FIBCD1: variants seen among roughly 807,000 people sequenced by gnomAD.
FIBCD1 encodes the protein fibrinogen C domain containing 1.
FIBCD1 carries 47 observed loss-of-function variants against 45.1 expected under a neutral mutation model. The ratio of observed to expected loss-of-function variants is 1.04; its 90% confidence interval spans 0.82 to 1.33. FIBCD1 has a LOEUF of 1.33. Ranked by LOEUF, FIBCD1 falls within the 40% of genes most tolerant of loss-of-function variation. The probability of loss-of-function intolerance (pLI) is 0.00; values close to 1 mark genes in which losing one functional copy is unlikely to be tolerated. For synonymous variants in FIBCD1, 313 were observed against 308.1 expected, an observed-to-expected ratio of 1.02 and a Z score of -0.17; for missense variants, 653 against 682.2, an observed-to-expected ratio of 0.96 and a Z score of 0.48.
chr9:130,927,065 T>C (rs1588111761), intron 2 of FIBCD1, among the ~76,000 whole-genome samples: 1 of 151,832 alleles, frequency 6.6e-6, no homozygotes, highest in East Asian at 1.9e-4. Flanking sequence ...TAGCAAGACC[T>C]CTCTACAAAA....
At position 130,922,721 on chromosome 9, in the gene FIBCD1, C is replaced by T. The variant is rs902511994; in HGVS notation, c.849+1023G>A. Among the ~76,000 whole-genome samples, 3 of 152,158 alleles carry T rather than the reference C, an allele frequency of 2.0e-5. No homozygotes were observed. Among genetic ancestry groups the T allele is most frequent in the Admixed American group, 6.5e-5 (1 of 15,274 alleles). ...CCCGTCTTCCTCTCTTCAACACCCC[C>T]AGTAGCTCCCGACTGTGTGTCCCAA... On this transcript the variant is annotated intron_variant, in intron 4 of 6. Coordinates refer to ENST00000372338, the MANE Select transcript of FIBCD1 (RefSeq NM_032843.5). This position sits in a 1 kb window ranked among gnomAD's most constrained non-coding sequence, Gnocchi z 4.5.
chr9:130,907,566 C>T (rs138006623), intron 5 of FIBCD1, among the ~76,000 whole-genome samples: 83 of 152,316 alleles, frequency 5.4e-4, no homozygotes, highest in African/African-American at 1.7e-3. Flanking sequence ...AGTGGACTTC[C>T]AGCTGGACTA....
intron 4 of FIBCD1, among the ~76,000 whole-genome samples, chr9:130,921,175 C>T (rs1016411379): frequency 2.0e-5 from 3 of 152,212 alleles, no homozygotes; most frequent in African/African-American, 7.2e-5. Context: ...TGAGACTGTC[C>T]AGCCCCAGGG....
At chr9:130,933,008 A>C (rs1383644767) in intron 1 of FIBCD1, among the ~76,000 whole-genome samples, 1 of 151,166 alleles carries the variant, frequency 6.6e-6, no homozygotes, top group Non-Finnish European at 1.5e-5. Flanking sequence ...CCCCTCTGCA[A>C]CTCCCACACC....
At chr9:130,911,931 C>T in intron 4 of FIBCD1, 43 bp from the exon 5 acceptor site, 3 of 1,531,176 alleles carry the variant, frequency 2.0e-6, no homozygotes, top group Non-Finnish European at 2.7e-6. Flanking sequence ...ACCGACCATC[C>T]CAGGACTCGC....
chr9:130,926,908 T>A lies in FIBCD1; in HGVS notation c.553-2512A>T, dbSNP rs1832371476. ...TGGCGTTATGGGGCTGCAAAGTGCC[T>A]ATTAACGCGGAGCCCAGCACATGGT... On this transcript the variant is annotated intron_variant, in intron 2 of 6. Transcript: ENST00000372338. This position sits in a 1 kb window ranked among gnomAD's most constrained non-coding sequence, Gnocchi z 4.1. 6.6e-6 allele frequency among the ~76,000 whole-genome samples: 1 copy of A among 152,184 alleles called. No homozygotes were observed. Among genetic ancestry groups the A allele is most frequent in the Admixed American group, 6.5e-5 (1 of 15,278 alleles).
intron 4 of FIBCD1, among the ~76,000 whole-genome samples, chr9:130,919,211 C>G (rs897745500): frequency 3.7e-4 from 57 of 152,236 alleles, no homozygotes; most frequent in African/African-American, 1.2e-3. Context: ...CACGGAGGCA[C>G]GCTTTCTTTG....
At chr9:130,911,933 A>T (rs1233468091) in intron 4 of FIBCD1, 45 bp from the exon 5 acceptor site, 1 of 1,524,832 alleles carries the variant, frequency 6.6e-7, no homozygotes, top group Admixed American at 2.0e-5. Flanking sequence ...CGACCATCCC[A>T]GGACTCGCAG....
intron 3 of FIBCD1, 42 bp from the exon 4 acceptor site, chr9:130,923,922 C>CT (rs756687322): frequency 6.2e-7 from 1 of 1,610,286 alleles, no homozygotes; most frequent in South Asian, 1.1e-5. Context: ...GGCCCCAGCA[C>CT]GTTCCTGCCC....
chr9:130,932,687 C>T (rs1832460176), intron 1 of FIBCD1, among the ~76,000 whole-genome samples: 1 of 152,160 alleles, frequency 6.6e-6, no homozygotes, highest in African/African-American at 2.4e-5. Flanking sequence ...CCTCTGTGCT[C>T]CCCCCGTTAG....
In FIBCD1 at chr9:130,922,664, C is replaced by T. The variant is rs1330090829; in HGVS notation, c.849+1080G>A. The stretch of plus-strand genomic sequence containing the variant: ...CCCCACTGCCCAAGGATGCACACCG[C>T]CAAGTCACCTCTCCTGAAGCACAGT... On this transcript the variant is annotated intron_variant, in intron 4 of 6. Transcript: ENST00000372338. The surrounding 1 kb of genome is among the most constrained non-coding windows in gnomAD (Gnocchi z 4.5). Among the ~76,000 whole-genome samples, 5 of 152,136 alleles carry T rather than the reference C, an allele frequency of 3.3e-5. No homozygotes were observed. Among genetic ancestry groups the T allele is most frequent in the African/African-American group, 1.2e-4 (5 of 41,398 alleles).
chr9:130,938,613 G>A lies in FIBCD1; in HGVS notation c.-6C>T. The A allele has an allele frequency of 3.5e-6, 5 of 1,448,610 alleles. No homozygotes were observed. Among genetic ancestry groups the A allele is most frequent in the Middle Eastern group, 1.8e-4 (1 of 5,408 alleles). The allele number at this position is 1,448,610 out of a possible 1,614,324, so 89.7% of individuals were successfully genotyped here. On this transcript the variant is annotated 5_prime_UTR_variant, in exon 1 of 7. Coordinates refer to ENST00000372338, the MANE Select transcript of FIBCD1 (RefSeq NM_032843.5). ...TTCCACCGGTCGTTGACCATCTTCC[G>A]GCAGGACTGGCGGGGGCGCCGGGCG...
chr9:130,924,112 G>A (rs890240506), intron 3 of FIBCD1, 125 bp downstream of exon 3: 49 of 1,339,282 alleles, frequency 3.7e-5, no homozygotes, highest in African/African-American at 8.8e-5. Flanking sequence ...GGGCTTCAGC[G>A]CAGGCCACAT....
At chr9:130,925,425 C>G (rs1832342251) in intron 2 of FIBCD1, among the ~76,000 whole-genome samples, 2 of 152,114 alleles carry the variant, frequency 1.3e-5, no homozygotes, top group Admixed American at 1.3e-4. Flanking sequence ...GACCCAGGTT[C>G]TGGTGTTGAC....
At chr9:130,909,509 T>C (rs1831998205) in intron 5 of FIBCD1, among the ~76,000 whole-genome samples, 1 of 152,154 alleles carries the variant, frequency 6.6e-6, no homozygotes, top group African/African-American at 2.4e-5. Flanking sequence ...GTGGCAATGG[T>C]TGTAATATTC....
intron 1 of FIBCD1, 57 bp downstream of exon 1, chr9:130,938,479 C>T (rs1018692188): frequency 1.9e-4 from 259 of 1,392,564 alleles, no homozygotes; most frequent in Non-Finnish European, 2.4e-4. Context: ...CCCGCCGGCC[C>T]GAGCGGCCAC....
chr9:130,910,065 T>C (rs1306241166), intron 5 of FIBCD1, among the ~76,000 whole-genome samples: 1 of 152,200 alleles, frequency 6.6e-6, no homozygotes, highest in African/African-American at 2.4e-5. Context: ...TGGGAGCCCC[T>C]TTCTGGGCTG....
chr9:130,912,633 G>A (rs2133080787), intron 4 of FIBCD1, among the ~76,000 whole-genome samples: 1 of 152,016 alleles, frequency 6.6e-6, no homozygotes, highest in East Asian at 1.9e-4. Context: ...CTTGATCCCG[G>A]GAGGCGCAGG....
intron 4 of FIBCD1, among the ~76,000 whole-genome samples, chr9:130,915,506 C>T (rs183846007): frequency 1.2e-4 from 18 of 152,308 alleles, no homozygotes; most frequent in Admixed American, 1.1e-3. Context: ...AGTTCGAGAC[C>T]AGCCTGGCCA....
Sources: allele counts gnomAD v4.1 joint callset (sites outside exome capture counted in the v4.1 genomes callset), GRCh38; gene constraint gnomAD v4.1.1; non-coding constraint Gnocchi (gnomAD v3.1); transcripts MANE v1.5; gene names NCBI Gene and HGNC (gene_info 2026-07-23, HGNC 2026-07-21).